The following CEP128 variants were observed in gnomAD, a reference collection of about 807,000 sequenced individuals.
CEP128 encodes the protein centrosomal protein 128kDa.
Under a neutral mutation model 156.7 loss-of-function variants are expected in CEP128, and 132 were observed. The observed-to-expected ratio is 0.84, with a 90% confidence interval of 0.73 to 0.97. The LOEUF is 0.97. Ranked by LOEUF, CEP128 falls within the 50% of genes least tolerant of loss-of-function variation. The probability of loss-of-function intolerance (pLI) is 0.00; values close to 1 mark genes in which losing one functional copy is unlikely to be tolerated. For synonymous variants in CEP128, 469 were observed against 448.9 expected (o/e 1.04, Z -0.57); for missense variants, 1,252 against 1,281.9 (o/e 0.98, Z 0.36).
At chr14:80,884,760 G>A (rs543970488) in intron 8 of CEP128, among the ~76,000 whole-genome samples, 31 of 152,282 alleles carry the variant, frequency 2.0e-4, no homozygotes, top group African/African-American at 7.5e-4. Context: ...GCTAGCTGCT[G>A]GAGTTTTTCT....
chr14:80,627,653 C>A (rs553637713), intron 19 of CEP128, among the ~76,000 whole-genome samples: 151 of 151,178 alleles, frequency 1.0e-3, no homozygotes, highest in Non-Finnish European at 1.9e-3. Flanking sequence ...TATTCACAGG[C>A]AGGTTTGGAA....
intron 19 of CEP128, among the ~76,000 whole-genome samples, chr14:80,624,564 T>C (rs1366903417): frequency 6.6e-6 from 1 of 152,182 alleles, no homozygotes; most frequent in Non-Finnish European, 1.5e-5. Context: ...ATAGTTGCCT[T>C]TTCTCCACAT....
intron 7 of CEP128, 75 bp from the exon 8 acceptor site, chr14:80,895,865 T>C (rs1889330176): frequency 1.6e-5 from 16 of 1,010,868 alleles, no homozygotes; most frequent in Non-Finnish European, 1.5e-5. Context: ...ATGTATAACA[T>C]GATAATTATG....
At chr14:80,874,108 A>G (rs1484613017) in intron 8 of CEP128, among the ~76,000 whole-genome samples, 1 of 152,194 alleles carries the variant, frequency 6.6e-6, no homozygotes, top group African/African-American at 2.4e-5. Flanking sequence ...GTATATCTAT[A>G]TAGCAAGTGA....
intron 6 of CEP128, among the ~76,000 whole-genome samples, chr14:80,903,862 G>A (rs1285991006): frequency 6.6e-6 from 1 of 152,078 alleles, no homozygotes; most frequent in Admixed American, 6.6e-5. Context: ...GACATGACAT[G>A]AAGGAAAGGG....
At chr14:80,886,256 T>A (rs995284111) in intron 8 of CEP128, among the ~76,000 whole-genome samples, 1 of 151,992 alleles carries the variant, frequency 6.6e-6, no homozygotes. Context: ...CAGGCCAACA[T>A]TCAGATTCAG....
intron 24 of CEP128, among the ~76,000 whole-genome samples, chr14:80,500,459 T>C (rs972869898): frequency 2.0e-5 from 3 of 152,224 alleles, no homozygotes; most frequent in African/African-American, 7.2e-5. Context: ...CCAGCTTTCA[T>C]GTTCCACCTG....
At chr14:80,762,227 G>A (rs1226983536) in intron 16 of CEP128, among the ~76,000 whole-genome samples, 1 of 151,920 alleles carries the variant, frequency 6.6e-6, no homozygotes, top group Non-Finnish European at 1.5e-5. Flanking sequence ...GAGATTACAA[G>A]GACTTGGGGA....
chr14:80,888,171 C>T (rs1168285430), intron 8 of CEP128, among the ~76,000 whole-genome samples: 1 of 152,014 alleles, frequency 6.6e-6, no homozygotes, highest in East Asian at 1.9e-4. Context: ...CAGGACCAGA[C>T]CGATTTACAG....
At chr14:80,880,414 A>T (rs1417964777) in intron 8 of CEP128, among the ~76,000 whole-genome samples, 2 of 152,184 alleles carry the variant, frequency 1.3e-5, no homozygotes, top group Admixed American at 6.5e-5. Context: ...ATTACAATCC[A>T]GAACAAGGCA....
At chr14:80,711,284 A>G (rs1462939270) in intron 19 of CEP128, among the ~76,000 whole-genome samples, 1 of 145,114 alleles carries the variant, frequency 6.9e-6, no homozygotes, top group Non-Finnish European at 1.5e-5. Context: ...AGACTGACAT[A>G]TAAGACTATG....
intron 19 of CEP128, among the ~76,000 whole-genome samples, chr14:80,690,056 G>A (rs906788811): frequency 6.6e-6 from 1 of 151,936 alleles, no homozygotes; most frequent in Non-Finnish European, 1.5e-5. Flanking sequence ...CCTTCCACTT[G>A]CTATTGTGTT....
upstream of CEP128, among the ~76,000 whole-genome samples, chr14:80,944,505 C>T (rs949844523): frequency 7.2e-5 from 11 of 152,108 alleles, no homozygotes. Context: ...CTTCCCCAGC[C>T]ATGCAGAACT....
At chr14:80,958,952 A>T (rs1165787655) in intron 1 of CEP128, among the ~76,000 whole-genome samples, 1 of 152,222 alleles carries the variant, frequency 6.6e-6, no homozygotes, top group Non-Finnish European at 1.5e-5. Context: ...GATGCTGTAT[A>T]ACCACTTCTT....
intron 18 of CEP128, among the ~76,000 whole-genome samples, chr14:80,743,887 T>TC (rs1215624341): frequency 6.6e-6 from 1 of 151,788 alleles, no homozygotes; most frequent in Non-Finnish European, 1.5e-5. Flanking sequence ...TTTTTTTTTT[T>TC]TCGAGACATA....
chr14:80,811,365 C>T lies in CEP128; in HGVS notation c.1210-18255G>A, dbSNP rs568033160. 1.2e-4 allele frequency among the ~76,000 whole-genome samples: 19 copies of T among 152,212 alleles called. 1 individual carries two copies. Among genetic ancestry groups the T allele is most frequent in the African/African-American group, 4.3e-4 (18 of 41,536 alleles). ...TTTGAGGAATTGCCACTCTGTCTTC[C>T]AGAATGGTTGAACTAATTTACATTC... On this transcript the variant is annotated intron_variant, in intron 13 of 24. Coordinates refer to ENST00000555265, the MANE Select transcript of CEP128 (RefSeq NM_152446.5).
chr14:80,611,052 G>A (rs2140582436), intron 19 of CEP128, among the ~76,000 whole-genome samples: 1 of 152,114 alleles, frequency 6.6e-6, no homozygotes. Context: ...CAACAGTGCA[G>A]CAAAGGAATA....
chr14:80,910,201 T>A (rs1296426889), intron 4 of CEP128, among the ~76,000 whole-genome samples: 2 of 152,236 alleles, frequency 1.3e-5, no homozygotes, highest in Non-Finnish European at 2.9e-5. Flanking sequence ...TTACCTCTGT[T>A]CTTTTGATAT....
chr14:80,478,684 T>C (rs944829711), intron 14 of CEP128, among the ~76,000 whole-genome samples: 1 of 152,184 alleles, frequency 6.6e-6, no homozygotes, highest in African/African-American at 2.4e-5. Flanking sequence ...AGTTAAAATA[T>C]TTAAAGCTCT....
Sources: gnomAD v4.1 joint callset for allele counts (sites outside exome capture counted in the v4.1 genomes callset) on GRCh38, gnomAD v4.1.1 for gene constraint, MANE v1.5 for transcripts, NCBI Gene and HGNC (gene_info 2026-07-23, HGNC 2026-07-21) for gene names.